The following TMEM131L variants were observed in gnomAD, a reference collection of about 807,000 sequenced individuals.
The protein encoded by TMEM131L is transmembrane 131 like, also known as transmembrane protein 131-like.
A neutral mutation model predicts 192.2 loss-of-function variants in TMEM131L; 54 were observed. The observed-to-expected ratio is 0.28, with a 90% CI of 0.23 to 0.35. The LOEUF (loss-of-function observed/expected upper bound fraction) is 0.35, where lower values mean the gene tolerates loss of function less well. TMEM131L is among the 10% of genes least tolerant of loss of function. TMEM131L has a pLI of 1.00. For synonymous variants in TMEM131L, 701 were observed against 704.9 expected (o/e 0.99, Z 0.09); for missense variants, 1,888 against 1,972.9 (o/e 0.96, Z 0.82).
rs1733530710 is a variant in TMEM131L, at chr4:153,622,807, C to T, written c.3860-91C>T. ...AGAGGTAGCTGAAGGTGAACCTGGC[C>T]CTACTCCTCCTGTCACCTCTCTCTT... On this transcript the variant is annotated intron_variant, in intron 28 of 34. Transcript: ENST00000409959. 2.3e-6 allele frequency: 3 copies of T among 1,282,758 alleles called. No homozygotes were observed. The South Asian group carries it at 3.7e-5, about 16-fold the overall frequency. 79.5% of individuals were successfully genotyped at this position (1,282,758 alleles called of 1,614,324 possible).
chr4:153,477,588 G>A (rs1000046089), intron 3 of TMEM131L, among the ~76,000 whole-genome samples: 34 of 151,784 alleles, frequency 2.2e-4, no homozygotes, highest in African/African-American at 7.5e-4. Context: ...CCTTTTTGAC[G>A]ATGACTTATA....
intron 4 of TMEM131L, among the ~76,000 whole-genome samples, chr4:153,554,558 A>G (rs924547993): frequency 6.6e-6 from 1 of 152,226 alleles, no homozygotes; most frequent in Admixed American, 6.5e-5. Context: ...TACATTTTTA[A>G]TATCAAAGAT....
chr4:153,592,316 G>A (rs374584028), intron 17 of TMEM131L, among the ~76,000 whole-genome samples, 159 bp from the exon 18 acceptor site: 13 of 151,850 alleles, frequency 8.6e-5, no homozygotes, highest in African/African-American at 2.9e-4. Flanking sequence ...TTATGACATA[G>A]ACATTTTTGA....
At chr4:153,609,339 ACT>A (rs989075076) in intron 25 of TMEM131L, among the ~76,000 whole-genome samples, 4 of 151,954 alleles carry the variant, frequency 2.6e-5, no homozygotes, top group African/African-American at 9.7e-5. Flanking sequence ...TCTCGTGAGA[ACT>A]CTCTCACTAT....
intron 29 of TMEM131L, among the ~76,000 whole-genome samples, chr4:153,625,812 G>A (rs1733802584): frequency 1.3e-5 from 2 of 152,078 alleles, no homozygotes; most frequent in Non-Finnish European, 2.9e-5. Context: ...GGAGGCTGAG[G>A]CAGGAGAATT....
Position 153,636,419 on chromosome 4 carries a change from C to T in TMEM131L, c.4676C>T (p.Ser1559Leu), listed in dbSNP as rs377687855. 9.9e-6 allele frequency: 16 copies of T among 1,614,158 alleles called. No homozygotes were observed. Among genetic ancestry groups the T allele is most frequent in the East Asian group, 4.5e-5 (2 of 44,878 alleles). ...CCPINPTTEH[S>L]THMENQAVVC... ...CCCATCAACCCCACCACGGAACATT[C>T]GACCCACATGGAAAACCAAGCGGTC... is the stretch of plus-strand genomic sequence containing the variant. The change falls in exon 35 of 35, where the codon TCG becomes TTG. Residue 1559 changes from serine (S) to leucine (L), a missense_variant. Coordinates refer to ENST00000409959, the MANE Select transcript of TMEM131L (RefSeq NM_001131007.2).
At position 153,588,940 on chromosome 4, in the gene TMEM131L, G is replaced by A. The variant is rs755903409; in HGVS notation, c.1603G>A (p.Val535Met). 1.2e-6 allele frequency: 2 copies of A among 1,609,948 alleles called. No individual in the cohort carries two copies. Among genetic ancestry groups the A allele is most frequent in the South Asian group, 1.1e-5 (1 of 90,978 alleles). Residue 535 changes from valine (V) to methionine (M), a missense_variant, in exon 16 of 35, where the codon GTG becomes ATG. Physicochemically the swap from Val to Met is conservative, Grantham distance 21. Coordinates refer to ENST00000409959, the MANE Select transcript of TMEM131L (RefSeq NM_001131007.2). Reference protein sequence around the residue: ...SLSLDQSTWNVDSELANKLYE... With the variant: ...SLSLDQSTWNMDSELANKLYE... ...TTCTCTGGATCAATCTACCTGGAAT[G>A]TGGATTCTGAACTTGCAAATAAATT...
intron 7 of TMEM131L, among the ~76,000 whole-genome samples, chr4:153,561,691 T>A (rs1728855242): frequency 6.6e-6 from 1 of 152,182 alleles, no homozygotes; most frequent in Non-Finnish European, 1.5e-5. Context: ...GGCTCTAGAT[T>A]CTCTCCTTCA....
At chr4:153,497,503 G>C (rs141659982) in intron 3 of TMEM131L, among the ~76,000 whole-genome samples, 95 of 152,214 alleles carry the variant, frequency 6.2e-4, no homozygotes, top group Middle Eastern at 6.8e-3. Context: ...CTCTAACCCA[G>C]TTTGAAACGT....
chr4:153,579,603 C>A (rs1036856146), intron 7 of TMEM131L, among the ~76,000 whole-genome samples: 1 of 152,140 alleles, frequency 6.6e-6, no homozygotes, highest in African/African-American at 2.4e-5. Flanking sequence ...TTCCTAGTAG[C>A]TGGGACTATA....
intron 3 of TMEM131L, among the ~76,000 whole-genome samples, chr4:153,533,584 A>G (rs1736084353): frequency 6.6e-6 from 1 of 152,194 alleles, no homozygotes; most frequent in Non-Finnish European, 1.5e-5. Flanking sequence ...GGTTAGTCAA[A>G]GCATTTGAAC....
In TMEM131L at chr4:153,584,859, T is replaced by C; in HGVS notation, c.1085T>C (p.Ile362Thr). The change falls in exon 12 of 35, where the codon ATT becomes ACT. Residue 362 changes from isoleucine to threonine, a missense_variant. Ile to Thr is a moderately conservative substitution (Grantham distance 89). Coordinates refer to ENST00000409959, the MANE Select transcript of TMEM131L (RefSeq NM_001131007.2). ...GCAGCTACATCATGTGACAGTGGAA[T>C]TATAGAAGATGTGAAGAAAACAACA... is the stretch of plus-strand genomic sequence containing the variant. ...CKAATSCDSG[I>T]IEDVKKTTHT... The C allele has an allele frequency of 6.2e-7, 1 of 1,613,964 alleles. No homozygotes were observed. The highest frequency in any genetic ancestry group is 8.5e-7 in the Non-Finnish European group (1 of 1,179,812).
chr4:153,491,689 T>C (rs997624046), intron 3 of TMEM131L, among the ~76,000 whole-genome samples: 4 of 152,024 alleles, frequency 2.6e-5, no homozygotes, highest in African/African-American at 9.7e-5. Context: ...TAGTACTTTT[T>C]TAGAGTGTGG....
In TMEM131L at chr4:153,603,418, G is replaced by A. The variant is rs757212655; in HGVS notation, c.2755G>A (p.Gly919Ser). The change falls in exon 24 of 35, where the codon GGT becomes AGT. Residue 919 changes from glycine to serine, a missense_variant. Physicochemically the swap from Gly to Ser is moderately conservative, Grantham distance 56. Transcript: ENST00000409959. ...TAGCTCCTCTTCACAGCAAAACAAT[G>A]GTCCTATGGATGTAATCAGCCCCCA... ...NASSSSQQNNGPMDVISPHSY... is the reference protein window; with the variant it reads ...NASSSSQQNNSPMDVISPHSY... 24 of 1,613,882 alleles carry A rather than the reference G, an allele frequency of 1.5e-5. No individual in the cohort carries two copies. The highest frequency in any genetic ancestry group is 1.7e-5 in the Non-Finnish European group (20 of 1,179,970).
Position 153,596,263 on chromosome 4 carries a change from G to A in TMEM131L, c.2001G>A (p.Thr667=), listed in dbSNP as rs139178967. ...QLTEACPYLG[T]HSEESRFGIL... ...TTTAATTTGTTAATTTGCAGGGTAC[G>A]CATTCTGAGGAATCCAGGTTTGGCA... Residue 667 remains threonine, a synonymous_variant, in exon 20 of 35, where the codon ACG becomes ACA. Coordinates refer to ENST00000409959, the MANE Select transcript of TMEM131L (RefSeq NM_001131007.2). The A allele has an allele frequency of 5.8e-5, 94 of 1,613,372 alleles. No homozygotes were observed. Among genetic ancestry groups the A allele is most frequent in the Non-Finnish European group, 7.5e-5 (89 of 1,179,592 alleles).
At chr4:153,541,709 A>G (rs762065762) in intron 3 of TMEM131L, among the ~76,000 whole-genome samples, 4 of 152,140 alleles carry the variant, frequency 2.6e-5, no homozygotes, top group Non-Finnish European at 4.4e-5. Context: ...AGCTGAAAAG[A>G]TGTTGGGCAG....
At chr4:153,617,388 A>G (rs147311103) in intron 26 of TMEM131L, among the ~76,000 whole-genome samples, 3 of 152,330 alleles carry the variant, frequency 2.0e-5, no homozygotes, top group Admixed American at 6.5e-5. Flanking sequence ...TAAAGCTCCT[A>G]TGTGTGCTGA....
At chr4:153,538,041 C>G (rs2150307521) in intron 3 of TMEM131L, among the ~76,000 whole-genome samples, 1 of 152,306 alleles carries the variant, frequency 6.6e-6, no homozygotes, top group South Asian at 2.1e-4. Context: ...TGTAAGGTTC[C>G]TGCCAGCCAC....
chr4:153,497,756 TAATGC>T (rs1733279264), intron 3 of TMEM131L, among the ~76,000 whole-genome samples: 1 of 152,054 alleles, frequency 6.6e-6, no homozygotes, highest in South Asian at 2.1e-4. Context: ...TGACAAGCGT[TAATGC>T]TTGGCTCTTT....
Sources: gnomAD v4.1 joint callset for allele counts (sites outside exome capture counted in the v4.1 genomes callset) on GRCh38, gnomAD v4.1.1 for gene constraint, MANE v1.5 for transcripts, NCBI Gene and HGNC (gene_info 2026-07-23, HGNC 2026-07-21) for gene names.